TANC1: variants seen among roughly 807,000 people sequenced by gnomAD.
TANC1 encodes the protein tetratricopeptide repeat, ankyrin repeat and coiled-coil containing 1, also known as protein TANC1.
Under a neutral mutation model 149.7 loss-of-function variants are expected in TANC1, and 77 were observed. That is an observed-to-expected ratio of 0.51 (90% confidence interval 0.43 to 0.62). The LOEUF is 0.62. TANC1 is among the 20% of genes least tolerant of loss of function. TANC1 has a pLI of 0.00. For missense variants in TANC1, 1,985 were observed against 2,321.8 expected, an observed-to-expected ratio of 0.85 and a Z score of 2.98; for synonymous variants, 854 against 925.0, an observed-to-expected ratio of 0.92 and a Z score of 1.39.
At chr2:159,162,500 T>C (rs545274066) in intron 7 of TANC1, among the ~76,000 whole-genome samples, 43 of 152,364 alleles carry the variant, frequency 2.8e-4, no homozygotes, top group Non-Finnish European at 4.3e-4. Context: ...AGTGACTCTT[T>C]GTAGAAGCTA....
At chr2:159,048,996 G>A (rs146802411) in intron 2 of TANC1, among the ~76,000 whole-genome samples, 32 of 152,286 alleles carry the variant, frequency 2.1e-4, no homozygotes, top group African/African-American at 7.5e-4. Flanking sequence ...ACAATGAACT[G>A]TAAATTGAGA....
At chr2:159,032,162 G>C (rs2039834678) in intron 2 of TANC1, among the ~76,000 whole-genome samples, 1 of 152,196 alleles carries the variant, frequency 6.6e-6, no homozygotes, top group Non-Finnish European at 1.5e-5. Context: ...GCTCAAAGAA[G>C]TTTATAATCT....
At chr2:159,073,251 T>C (rs990845058) in intron 3 of TANC1, among the ~76,000 whole-genome samples, 2 of 152,168 alleles carry the variant, frequency 1.3e-5, no homozygotes, top group African/African-American at 2.4e-5. Context: ...TAGGGAAATA[T>C]AAAGGATGAA....
At position 159,229,606 on chromosome 2, in the gene TANC1, C is replaced by CAAGA; in HGVS notation, c.4181_4184dup (p.Ala1396ArgfsTer58). 6.2e-7 allele frequency: 1 copy of CAAGA among 1,613,710 alleles called. No individual in the cohort carries two copies. Among genetic ancestry groups the CAAGA allele is most frequent in the Non-Finnish European group, 8.5e-7 (1 of 1,179,916 alleles). On this transcript the variant is annotated frameshift_variant, in exon 27 of 27. Coordinates refer to ENST00000263635, the MANE Select transcript of TANC1 (RefSeq NM_033394.3). LOFTEE classifies it low-confidence loss of function (END_TRUNC). ...ATTCGTGGCAGCTCTGGCTGACCTG[C>CAAGA]AAGAGGCTGTGAAACTCTGTCCCAC...
At chr2:158,997,424 T>G (rs1354708462) in intron 1 of TANC1, among the ~76,000 whole-genome samples, 2 of 152,234 alleles carry the variant, frequency 1.3e-5, no homozygotes, top group East Asian at 3.8e-4. Flanking sequence ...TAGTGTGTAT[T>G]CATGGATTAG....
At chr2:159,181,473 AT>A (rs902491458) in intron 14 of TANC1, among the ~76,000 whole-genome samples, 14 of 152,052 alleles carry the variant, frequency 9.2e-5, no homozygotes, top group African/African-American at 3.4e-4. Context: ...AACTTTTTGT[AT>A]TTTTAGTAGA....
chr2:159,055,437 C>T (rs374543939), intron 2 of TANC1, among the ~76,000 whole-genome samples: 21 of 152,164 alleles, frequency 1.4e-4, no homozygotes, highest in South Asian at 4.1e-4. Context: ...CCCTATTCCC[C>T]CTACCCTCAG....
intron 2 of TANC1, among the ~76,000 whole-genome samples, chr2:159,049,585 C>T (rs2041321660): frequency 6.6e-6 from 1 of 152,120 alleles, no homozygotes; most frequent in African/African-American, 2.4e-5. Context: ...ACTGGCCTAA[C>T]GTTACAGGTT....
At chr2:159,130,020 G>A (rs562794419) in intron 4 of TANC1, among the ~76,000 whole-genome samples, 25 of 152,162 alleles carry the variant, frequency 1.6e-4, no homozygotes, top group Non-Finnish European at 3.2e-4. Flanking sequence ...GAAAAGCGGC[G>A]GCAGCAGGAT....
At chr2:159,228,540 G>T in intron 25 of TANC1, 1 of 460,770 alleles carries the variant, frequency 2.2e-6, no homozygotes, top group East Asian at 4.1e-5. Flanking sequence ...CCCTCCACCG[G>T]GCTGTGAGGT....
intron 14 of TANC1, among the ~76,000 whole-genome samples, chr2:159,180,858 G>A (rs144665174): frequency 7.9e-5 from 12 of 152,298 alleles, no homozygotes; most frequent in African/African-American, 2.9e-4. Context: ...ACACAGGGCA[G>A]GGGAGGCAGG....
rs759185107 is a variant in TANC1, at chr2:159,228,868, G to T, written c.4123G>T (p.Ala1375Ser). The change falls in exon 26 of 27, where the codon GCC (alanine) becomes TCC (serine). Residue 1375 changes from alanine to serine, a missense_variant. This residue lies in a region of TANC1 where 920 missense variants were observed against 994.7 expected (regional missense o/e 0.92). Coordinates refer to ENST00000263635, the MANE Select transcript of TANC1 (RefSeq NM_033394.3). ...LKPKSYEAFYARARAKRNSRQ... is the reference protein window; with the variant it reads ...LKPKSYEAFYSRARAKRNSRQ... ...GCCCAAGTCCTATGAAGCCTTTTAT[G>T]CCAGAGCAAGAGCGAAGAGAAATAG... The T allele has an allele frequency of 4.3e-6, 7 of 1,613,978 alleles. No homozygotes were observed. Among genetic ancestry groups the T allele is most frequent in the Non-Finnish European group, 5.9e-6 (7 of 1,179,978 alleles).
rs184042677 is a variant in TANC1, at chr2:159,205,917, G to A, written c.3244+6864G>A. Among the ~76,000 whole-genome samples, 31 of 152,362 alleles carry A rather than the reference G, an allele frequency of 2.0e-4. 1 individual carries two copies. Among genetic ancestry groups the A allele is most frequent in the Middle Eastern group, 3.4e-3 (1 of 294 alleles). On this transcript the variant is annotated intron_variant, in intron 19 of 26. Coordinates refer to ENST00000263635, the MANE Select transcript of TANC1 (RefSeq NM_033394.3). ...CATGGAGGATGCTGTAGAGAAAACT[G>A]CGACTTGCTGTCGTACACTGAAGAT...
chr2:159,165,904 G>C (rs1226584063), intron 8 of TANC1, among the ~76,000 whole-genome samples: 3 of 152,206 alleles, frequency 2.0e-5, no homozygotes, highest in Non-Finnish European at 2.9e-5. Context: ...GTCCTTTATT[G>C]AGCTTGCTAC....
intron 3 of TANC1, among the ~76,000 whole-genome samples, chr2:159,087,814 G>T (rs914155407): frequency 6.7e-6 from 1 of 150,232 alleles, no homozygotes; most frequent in Admixed American, 6.7e-5. Context: ...AAATTTGCTC[G>T]TTGCAGATGT....
intron 1 of TANC1, among the ~76,000 whole-genome samples, chr2:158,994,333 G>A (rs1359531136): frequency 6.6e-6 from 1 of 152,132 alleles, no homozygotes; most frequent in Non-Finnish European, 1.5e-5. Flanking sequence ...TAGTGCAGTG[G>A]TGCATAGCTC....
intron 19 of TANC1, among the ~76,000 whole-genome samples, chr2:159,212,286 T>C (rs2059038794): frequency 6.6e-6 from 1 of 152,156 alleles, no homozygotes; most frequent in Non-Finnish European, 1.5e-5. Context: ...CATTCCTTCT[T>C]CTGGTCAACC....
chr2:159,193,354 A>T (rs1035304505), intron 16 of TANC1, among the ~76,000 whole-genome samples: 9 of 152,248 alleles, frequency 5.9e-5, no homozygotes, highest in African/African-American at 2.2e-4. Context: ...CATTTTCTTC[A>T]TCCATCCACT....
chr2:158,989,456 A>G (rs1161588429), intron 1 of TANC1, among the ~76,000 whole-genome samples: 1 of 151,874 alleles, frequency 6.6e-6, no homozygotes, highest in East Asian at 1.9e-4. Context: ...AGTTAAAAAA[A>G]AAAATCAGCT....
Sources: allele counts gnomAD v4.1 joint callset (sites outside exome capture counted in the v4.1 genomes callset), GRCh38; gene constraint gnomAD v4.1.1; regional missense constraint gnomAD v4.1.1; transcripts MANE v1.5; gene names NCBI Gene and HGNC (gene_info 2026-07-23, HGNC 2026-07-21).